The following CSMD1 variants were observed in gnomAD, a reference collection of about 807,000 sequenced individuals.
CSMD1 encodes CUB and sushi domain-containing protein 1.
Under a neutral mutation model 417.5 loss-of-function variants are expected in CSMD1, and 213 were observed. That is an observed-to-expected ratio of 0.51 (90% confidence interval 0.46 to 0.57). CSMD1 has a LOEUF of 0.57. Ranked by LOEUF, CSMD1 falls within the 20% of genes least tolerant of loss-of-function variation. CSMD1 has a pLI of 0.00. For synonymous variants in CSMD1, 2,862 were observed against 1,736.8 expected, an observed-to-expected ratio of 1.65 and a Z score of -16.11; for missense variants, 6,923 against 4,529.7, an observed-to-expected ratio of 1.53 and a Z score of -15.17.
intron 15 of CSMD1, 114 bp downstream of exon 15, chr8:3,405,913 G>A (rs895394637): frequency 2.2e-6 from 2 of 909,428 alleles, no homozygotes; most frequent in East Asian, 2.6e-5. Context: ...GACTGTGTGT[G>A]GTATTTTGTT....
At chr8:3,642,896 C>CAT (rs1007341586) in intron 7 of CSMD1, among the ~76,000 whole-genome samples, 20 of 151,438 alleles carry the variant, frequency 1.3e-4, no homozygotes, top group East Asian at 5.8e-4. Flanking sequence ...CATACACACA[C>CAT]ATATATATAT....
chr8:3,976,088 G>A (rs567373784), intron 5 of CSMD1, among the ~76,000 whole-genome samples: 6 of 151,486 alleles, frequency 4.0e-5, no homozygotes, highest in South Asian at 2.1e-4. Flanking sequence ...GGGGGGTCAC[G>A]AACTTGTAAG....
At chr8:4,131,031 C>T (rs2407303) in intron 3 of CSMD1, among the ~76,000 whole-genome samples, 1 of 151,828 alleles carries the variant, frequency 6.6e-6, no homozygotes, top group Admixed American at 6.6e-5. Flanking sequence ...TCCACTGGCT[C>T]AAGCGTGATT....
intron 10 of CSMD1, among the ~76,000 whole-genome samples, chr8:3,548,545 G>A (rs1798772652): frequency 6.6e-6 from 1 of 151,710 alleles, no homozygotes; most frequent in Non-Finnish European, 1.5e-5. Context: ...AACATACGAT[G>A]TTTGGTTTTC....
intron 10 of CSMD1, among the ~76,000 whole-genome samples, chr8:3,505,418 C>A (rs538922996): frequency 1.3e-5 from 2 of 152,136 alleles, no homozygotes; most frequent in Admixed American, 6.5e-5. Flanking sequence ...ATTATGGGCG[C>A]AGAATCAATA....
chr8:4,450,704 G>T (rs1345914751), intron 2 of CSMD1, among the ~76,000 whole-genome samples: 1 of 152,102 alleles, frequency 6.6e-6, no homozygotes, highest in East Asian at 1.9e-4. Context: ...ACACATCACA[G>T]AGTTTTAATA....
chr8:3,096,254 G>A (rs1473259757), intron 47 of CSMD1, among the ~76,000 whole-genome samples: 2 of 152,100 alleles, frequency 1.3e-5, no homozygotes, highest in Non-Finnish European at 2.9e-5. Flanking sequence ...ACAATCCTAT[G>A]GTTTGGCTGT....
At chr8:3,188,163 T>C (rs1367922904) in intron 35 of CSMD1, among the ~76,000 whole-genome samples, 198 bp from the exon 36 acceptor site, 1 of 147,510 alleles carries the variant, frequency 6.8e-6, no homozygotes, top group Admixed American at 7.0e-5. Context: ...TAATAATGCC[T>C]CCAATGCCAT....
chr8:3,518,856 T>C (rs1437806894), intron 10 of CSMD1, among the ~76,000 whole-genome samples: 2 of 152,192 alleles, frequency 1.3e-5, no homozygotes, highest in Non-Finnish European at 2.9e-5. Context: ...TCGCCAGTCA[T>C]ACTATAACAA....
chr8:3,744,373 G>A (rs772596792), intron 6 of CSMD1, among the ~76,000 whole-genome samples: 3 of 152,110 alleles, frequency 2.0e-5, no homozygotes, highest in Non-Finnish European at 4.4e-5. Context: ...GGCACAGCAG[G>A]ACCAGATTTG....
At chr8:3,053,628 G>C (rs531763157) in intron 49 of CSMD1, among the ~76,000 whole-genome samples, 3 of 152,208 alleles carry the variant, frequency 2.0e-5, no homozygotes, top group East Asian at 1.9e-4. Context: ...ATGCAGATGA[G>C]GTTTTATAAA....
At chr8:3,626,936 A>G (rs1314019080) in intron 7 of CSMD1, among the ~76,000 whole-genome samples, 1 of 151,278 alleles carries the variant, frequency 6.6e-6, no homozygotes, top group Non-Finnish European at 1.5e-5. Flanking sequence ...AGTATATTAT[A>G]CAGTTTTAAA....
intron 3 of CSMD1, among the ~76,000 whole-genome samples, chr8:4,397,595 C>A (rs943836808): frequency 4.3e-5 from 6 of 138,038 alleles, no homozygotes; most frequent in African/African-American, 1.6e-4. Flanking sequence ...AGTGCAGCAC[C>A]TGAGATTCAC....
At chr8:4,772,546 G>A (rs1052509506) in intron 1 of CSMD1, among the ~76,000 whole-genome samples, 2 of 152,108 alleles carry the variant, frequency 1.3e-5, no homozygotes, top group Admixed American at 6.6e-5. Context: ...AAAGTTTTTA[G>A]CAGTCACATA....
intron 3 of CSMD1, among the ~76,000 whole-genome samples, chr8:4,038,066 G>C (rs774185744): frequency 2.6e-5 from 4 of 152,022 alleles, no homozygotes; most frequent in Admixed American, 2.6e-4. Context: ...AATTCAAAAA[G>C]TTTGGAAGTA....
At chr8:4,528,597 C>A (rs1316492348) in intron 2 of CSMD1, among the ~76,000 whole-genome samples, 1 of 152,090 alleles carries the variant, frequency 6.6e-6, no homozygotes, top group African/African-American at 2.4e-5. Flanking sequence ...TAACAATAAA[C>A]ATAAAGCAAA....
chr8:4,275,259 A>C (rs111915425), intron 3 of CSMD1, among the ~76,000 whole-genome samples: 145 of 152,272 alleles, frequency 9.5e-4, no homozygotes, highest in African/African-American at 3.4e-3. Context: ...GGCGAAATGA[A>C]AGCAATATGA....
At chr8:4,281,848 A>T (rs1247963383) in intron 3 of CSMD1, among the ~76,000 whole-genome samples, 2 of 152,180 alleles carry the variant, frequency 1.3e-5, no homozygotes, top group Non-Finnish European at 2.9e-5. Flanking sequence ...TCATAAACAC[A>T]CCTAACATGC....
Position 3,253,093 on chromosome 8 carries a change from G to A in CSMD1, c.4154-22862C>T, listed in dbSNP as rs1040900291. Reference sequence around the variant, plus strand: ...TAGCTTTTGAGTATGTTTGCTCTTGGTTCTCCAGTTCTTTTAATTGTGATG... The same window carrying A: ...TAGCTTTTGAGTATGTTTGCTCTTGATTCTCCAGTTCTTTTAATTGTGATG... On this transcript the variant is annotated intron_variant, in intron 26 of 69. Coordinates refer to ENST00000635120, the MANE Select transcript of CSMD1 (RefSeq NM_033225.6). Among the ~76,000 whole-genome samples, 4 of 151,824 alleles carry A rather than the reference G, an allele frequency of 2.6e-5. No individual in the cohort carries two copies. In the South Asian group the frequency reaches 8.3e-4, roughly 32 times the overall value.
Sources: allele counts gnomAD v4.1 joint callset (sites outside exome capture counted in the v4.1 genomes callset), GRCh38; gene constraint gnomAD v4.1.1; transcripts MANE v1.5; gene names NCBI Gene and HGNC (gene_info 2026-07-23, HGNC 2026-07-21).